The following PDE4B variants were observed in gnomAD, a reference collection of about 807,000 sequenced individuals.
The protein encoded by PDE4B is 3',5'-cyclic-AMP phosphodiesterase 4B.
A neutral mutation model predicts 82.2 loss-of-function variants in PDE4B; 20 were observed. The observed-to-expected ratio is 0.24, with a 90% confidence interval of 0.17 to 0.35. The LOEUF is 0.35. Among genes scored for constraint, PDE4B ranks in the 10% least tolerant of loss-of-function variants. The pLI is 1.00. For synonymous variants in PDE4B, 320 were observed against 318.9 expected (o/e 1.00, Z -0.04); for missense variants, 655 against 907.2 (o/e 0.72, Z 3.57).
chr1:66,215,293 A>AT (rs1650365847), intron 3 of PDE4B, among the ~76,000 whole-genome samples: 1 of 152,136 alleles, frequency 6.6e-6, no homozygotes, highest in African/African-American at 2.4e-5. Context: ...GAAGAACATC[A>AT]TTTTTTCTAA....
At chr1:66,048,071 AT>A (rs759732176) in intron 3 of PDE4B, among the ~76,000 whole-genome samples, 117 of 151,958 alleles carry the variant, frequency 7.7e-4, no homozygotes, top group Non-Finnish European at 1.3e-3. Context: ...ATCCTCTTGT[AT>A]GTGTTGCCTC....
At chr1:66,199,060 G>C (rs983856776) in intron 3 of PDE4B, among the ~76,000 whole-genome samples, 2 of 151,658 alleles carry the variant, frequency 1.3e-5, no homozygotes, top group African/African-American at 4.9e-5. Flanking sequence ...GAATAATGCT[G>C]CAATAAACAT....
intron 3 of PDE4B, among the ~76,000 whole-genome samples, chr1:66,067,024 T>G (rs145327980): frequency 1.1e-3 from 164 of 152,146 alleles, no homozygotes; most frequent in Admixed American, 2.2e-3. Flanking sequence ...CAACAAAAAG[T>G]AGATTGCTGA....
At chr1:65,962,078 C>T (rs1221285927) in intron 3 of PDE4B, among the ~76,000 whole-genome samples, 1 of 152,090 alleles carries the variant, frequency 6.6e-6, no homozygotes, top group Non-Finnish European at 1.5e-5. Flanking sequence ...CCCAGCTTAC[C>T]TTACATGTGC....
chr1:66,242,637 G>A (rs963708993), intron 3 of PDE4B, among the ~76,000 whole-genome samples: 10 of 152,176 alleles, frequency 6.6e-5, no homozygotes, highest in Admixed American at 1.3e-4. Flanking sequence ...ACAATTGCAG[G>A]CAATTCTGCG....
At chr1:65,920,743 T>C (rs1195253595) in intron 3 of PDE4B, among the ~76,000 whole-genome samples, 1 of 152,194 alleles carries the variant, frequency 6.6e-6, no homozygotes, top group South Asian at 2.1e-4. Flanking sequence ...ACCATGTCTC[T>C]AGTATCAGTA....
At chr1:66,258,665 C>G (rs1182140254) in intron 6 of PDE4B, among the ~76,000 whole-genome samples, 2 of 152,096 alleles carry the variant, frequency 1.3e-5, no homozygotes, top group Non-Finnish European at 2.9e-5. Flanking sequence ...ACAACCCCCT[C>G]CCCCCGCATA....
intron 3 of PDE4B, among the ~76,000 whole-genome samples, chr1:66,089,609 A>G (rs895434271): frequency 9.9e-5 from 15 of 151,992 alleles, no homozygotes; most frequent in Admixed American, 6.6e-5. Context: ...TTTCATAGGT[A>G]TCCTATAAAA....
At position 66,368,046 on chromosome 1, in the gene PDE4B, A is replaced by G; in HGVS notation, c.1643A>G (p.Asn548Ser). The G allele has an allele frequency of 6.2e-7, 1 of 1,613,814 alleles. No homozygotes were observed. Among genetic ancestry groups the G allele is most frequent in the Non-Finnish European group, 8.5e-7 (1 of 1,179,806 alleles). ...VTSSGVLLLDNYTDRIQVLRN... is the reference protein window; with the variant it reads ...VTSSGVLLLDSYTDRIQVLRN... ...AGTTCAGGCGTTCTTCTCCTAGACAACTATACCGATCGCATTCAGGTATTT... is the reference window on the plus strand; with the variant it reads ...AGTTCAGGCGTTCTTCTCCTAGACAGCTATACCGATCGCATTCAGGTATTT... The change falls in exon 15 of 17, where the codon AAC becomes AGC. Residue 548 changes from asparagine to serine, a missense_variant. Asn to Ser is a conservative substitution (Grantham distance 46). Around this residue, in one of 3 missense-constraint regions of PDE4B, gnomAD observed 283 missense variants for 516.4 expected, o/e 0.55. Coordinates refer to ENST00000341517, the MANE Select transcript of PDE4B (RefSeq NM_002600.4).
intron 3 of PDE4B, among the ~76,000 whole-genome samples, chr1:66,131,592 G>GATATATATATAT (rs71058452): frequency 0.03 from 978 of 32,770 alleles, 272 homozygotes; most frequent in Non-Finnish European, 0.05. Flanking sequence ...CTGAATGCCA[G>GATATATATATAT]ATATATATAT....
intron 7 of PDE4B, among the ~76,000 whole-genome samples, chr1:66,282,685 T>C (rs553736138): frequency 6.6e-6 from 1 of 152,338 alleles, no homozygotes; most frequent in Non-Finnish European, 1.5e-5. Context: ...CAACCAGGTG[T>C]GTAACCAGAA....
intron 3 of PDE4B, among the ~76,000 whole-genome samples, chr1:65,933,354 G>C (rs1306203003): frequency 6.6e-6 from 1 of 151,948 alleles, no homozygotes; most frequent in Non-Finnish European, 1.5e-5. Flanking sequence ...AAAATACTTG[G>C]CATGCCAAAA....
At chr1:65,915,698 C>T (rs1160615349) in intron 2 of PDE4B, among the ~76,000 whole-genome samples, 2 of 152,112 alleles carry the variant, frequency 1.3e-5, no homozygotes, top group East Asian at 3.9e-4. Flanking sequence ...GTGTCCCCTC[C>T]CCCTCCTCTC....
intron 3 of PDE4B, chr1:66,048,851 C>G (rs1557523584): frequency 1.3e-5 from 2 of 151,942 alleles, no homozygotes. Context: ...GAAGTCCACT[C>G]TTAACATATC....
At chr1:66,359,294 A>G (rs987996352) in intron 9 of PDE4B, among the ~76,000 whole-genome samples, 1 of 152,188 alleles carries the variant, frequency 6.6e-6, no homozygotes, top group East Asian at 1.9e-4. Context: ...GGATGAGACT[A>G]CTTTTTTATC....
chr1:66,160,482 G>T (rs1167676692), intron 3 of PDE4B, among the ~76,000 whole-genome samples: 2 of 152,120 alleles, frequency 1.3e-5, no homozygotes, highest in Admixed American at 6.5e-5. Flanking sequence ...CAGTTACGTG[G>T]CTACATGAGA....
At chr1:66,367,383 G>T in intron 13 of PDE4B, 1 of 188,588 alleles carries the variant, frequency 5.3e-6, no homozygotes, top group Non-Finnish European at 1.1e-5. Context: ...CATAAAAATA[G>T]GATTTAGCTG....
chr1:65,856,092 TA>T (rs1393522613), intron 1 of PDE4B, among the ~76,000 whole-genome samples: 6 of 152,176 alleles, frequency 3.9e-5, no homozygotes, highest in Non-Finnish European at 8.8e-5. Context: ...TATGCCTATC[TA>T]TTGTTTTAGG....
At chr1:66,292,404 C>A (rs982592551) in intron 7 of PDE4B, among the ~76,000 whole-genome samples, 1 of 152,044 alleles carries the variant, frequency 6.6e-6, no homozygotes, top group Non-Finnish European at 1.5e-5. Flanking sequence ...AGTGGCAAAG[C>A]GAGGGTTTAG....
Sources: allele counts gnomAD v4.1 joint callset (sites outside exome capture counted in the v4.1 genomes callset), GRCh38; gene constraint gnomAD v4.1.1; regional missense constraint gnomAD v4.1.1; transcripts MANE v1.5; gene names NCBI Gene and HGNC (gene_info 2026-07-23, HGNC 2026-07-21).